The following SPMAP2L variants were observed in gnomAD, a reference collection of about 807,000 sequenced individuals.
The protein encoded by SPMAP2L is sperm microtubule associated protein 2-like.
At chr4:56,573,678 G>A in the SPMAP2L span, among the ~76,000 whole-genome samples, 3 of 152,104 alleles carry the variant, frequency 2.0e-5, no homozygotes, top group African/African-American at 7.2e-5. Context: ...CCCAGGTAGG[G>A]GCTAGAGGTT....
At chr4:56,601,879 T>A in the SPMAP2L span, among the ~76,000 whole-genome samples, 2 of 152,174 alleles carry the variant, frequency 1.3e-5, no homozygotes, top group African/African-American at 4.8e-5. Context: ...GAACACAGCA[T>A]GTAATATGTT....
chr4:56,537,866 T>G, the SPMAP2L span, among the ~76,000 whole-genome samples: 1 of 152,102 alleles, frequency 6.6e-6, no homozygotes, highest in Non-Finnish European at 1.5e-5. Flanking sequence ...CTAATTTTTT[T>G]GTATTTTTAG....
At chr4:56,564,518 AC>A in the SPMAP2L span, among the ~76,000 whole-genome samples, 4 of 151,826 alleles carry the variant, frequency 2.6e-5, no homozygotes, top group Middle Eastern at 0.01. Flanking sequence ...TATCTATCCA[AC>A]CTCCTGTGAT....
At chr4:56,533,997 C>A in the SPMAP2L span, among the ~76,000 whole-genome samples, 1 of 152,012 alleles carries the variant, frequency 6.6e-6, no homozygotes, top group Admixed American at 6.6e-5. Context: ...ACAACAACAA[C>A]GACAACAGCA....
chr4:56,593,440 T>C, the SPMAP2L span: 1 of 1,541,174 alleles, frequency 6.5e-7, no homozygotes, highest in Non-Finnish European at 9.0e-7. Context: ...CAGCGGAGTG[T>C]TGTTCCAGTA....
chr4:56,616,998 C>G, the SPMAP2L span, among the ~76,000 whole-genome samples: 1 of 152,112 alleles, frequency 6.6e-6, no homozygotes, highest in Non-Finnish European at 1.5e-5. Flanking sequence ...ACAGGGGATA[C>G]CTTCCAAGAC....
the SPMAP2L span, among the ~76,000 whole-genome samples, chr4:56,542,545 C>A: frequency 2.0e-5 from 3 of 151,212 alleles, no homozygotes; most frequent in Non-Finnish European, 4.4e-5. Flanking sequence ...CTGTTTGTCT[C>A]TGTTATTCTT....
chr4:56,534,027 T>C, the SPMAP2L span, among the ~76,000 whole-genome samples: 1 of 152,090 alleles, frequency 6.6e-6, no homozygotes, highest in Non-Finnish European at 1.5e-5. Context: ...ATAACTCTTA[T>C]CTTTAAGAAA....
the SPMAP2L span, among the ~76,000 whole-genome samples, chr4:56,533,233 C>A: frequency 6.6e-6 from 1 of 152,322 alleles, no homozygotes; most frequent in African/African-American, 2.4e-5. Context: ...CCCTGAACTT[C>A]AAGTGGGCTC....
At chr4:56,536,629 T>C in the SPMAP2L span, among the ~76,000 whole-genome samples, 1 of 152,210 alleles carries the variant, frequency 6.6e-6, no homozygotes. Flanking sequence ...CCAAATCCAA[T>C]GGTTTCTTCT....
At chr4:56,540,647 GAA>G in the SPMAP2L span, among the ~76,000 whole-genome samples, 23 of 151,974 alleles carry the variant, frequency 1.5e-4, no homozygotes, top group African/African-American at 4.3e-4. Context: ...GAGAAAGAAA[GAA>G]AAGAGAGAAA....
chr4:56,595,257 G>A, the SPMAP2L span: 13,784 of 1,612,232 alleles, frequency 8.5e-3, 1,024 homozygotes, highest in African/African-American at 0.16. Flanking sequence ...TTTTGGACAC[G>A]AGACCCTTCA....
chr4:56,595,642 A>G, the SPMAP2L span: 1 of 1,234,272 alleles, frequency 8.1e-7, no homozygotes, highest in Non-Finnish European at 1.2e-6. Context: ...ATATATGGAG[A>G]TCAGCACCTG....
At chr4:56,583,321 A>C in the SPMAP2L span, among the ~76,000 whole-genome samples, 1 of 152,082 alleles carries the variant, frequency 6.6e-6, no homozygotes, top group African/African-American at 2.4e-5. Context: ...GAATAGGCCA[A>C]TCCATAGATC....
the SPMAP2L span, among the ~76,000 whole-genome samples, chr4:56,590,520 C>A: frequency 3.7e-4 from 57 of 152,292 alleles, 1 homozygote; most frequent in South Asian, 0.011. Context: ...GTTGTAGTAT[C>A]GAGGAAGAAT....
the SPMAP2L span, among the ~76,000 whole-genome samples, chr4:56,563,241 T>C: frequency 0.95 from 143,271 of 150,132 alleles, 68,451 homozygotes; most frequent in Middle Eastern, 0.97. Flanking sequence ...TACAGGCACA[T>C]GTCACCATAC....
At chr4:56,611,417 A>G in the SPMAP2L span, among the ~76,000 whole-genome samples, 1 of 152,138 alleles carries the variant, frequency 6.6e-6, no homozygotes, top group Non-Finnish European at 1.5e-5. Context: ...GACTTTGGGA[A>G]CTTGGGGGGA....
the SPMAP2L span, among the ~76,000 whole-genome samples, chr4:56,606,490 T>C: frequency 1.3e-5 from 2 of 151,822 alleles, no homozygotes; most frequent in African/African-American, 2.4e-5. Flanking sequence ...CCCATATAGG[T>C]GCCCTGATGA....
chr4:56,607,561 G>A, the SPMAP2L span, among the ~76,000 whole-genome samples: 1 of 152,300 alleles, frequency 6.6e-6, no homozygotes, highest in African/African-American at 2.4e-5. Flanking sequence ...AGAGGAGCAG[G>A]CTAGAAAAAG....
Sources: gnomAD v4.1 joint callset for allele counts (sites outside exome capture counted in the v4.1 genomes callset) on GRCh38, gnomAD v4.1.1 for gene constraint, MANE v1.5 for transcripts, NCBI Gene and HGNC (gene_info 2026-07-23, HGNC 2026-07-21) for gene names.